Variants in FMN1 observed in about 807,000 individuals in gnomAD.
FMN1 encodes the protein formin 1.
A neutral mutation model predicts 132.4 loss-of-function variants in FMN1; 110 were observed. The ratio of observed to expected loss-of-function variants is 0.83; its 90% CI spans 0.71 to 0.97. The LOEUF is 0.97. Ranked by LOEUF, FMN1 falls within the 50% of genes least tolerant of loss-of-function variation. The pLI is 0.00. For missense variants in FMN1, 1,792 were observed against 1,705.3 expected (o/e 1.05, Z -0.90); for synonymous variants, 722 against 651.7 (o/e 1.11, Z -1.64).
At chr15:33,068,527 A>T (rs1236255845) in intron 5 of FMN1, among the ~76,000 whole-genome samples, 2 of 152,248 alleles carry the variant, frequency 1.3e-5, no homozygotes, top group African/African-American at 2.4e-5. Flanking sequence ...CCAGATCAGC[A>T]GCCACTTACG....
chr15:33,084,193 G>A (rs551058750), intron 5 of FMN1, among the ~76,000 whole-genome samples: 6 of 152,146 alleles, frequency 3.9e-5, no homozygotes, highest in African/African-American at 1.2e-4. Context: ...TACTTTCTTA[G>A]TAAACCTGCT....
At chr15:33,100,880 A>G (rs1308609468) in intron 4 of FMN1, among the ~76,000 whole-genome samples, 1 of 152,216 alleles carries the variant, frequency 6.6e-6, no homozygotes, top group Non-Finnish European at 1.5e-5. Flanking sequence ...AATATTATAT[A>G]ATTATTTAAA....
chr15:32,939,759 C>T (rs776304306), intron 9 of FMN1, among the ~76,000 whole-genome samples: 66 of 152,214 alleles, frequency 4.3e-4, no homozygotes, highest in African/African-American at 1.5e-3. Context: ...TCAAATTCAA[C>T]GAATCACACC....
intron 6 of FMN1, among the ~76,000 whole-genome samples, chr15:33,027,593 TG>T (rs34895622): frequency 0.4 from 60,182 of 152,022 alleles, 12,272 homozygotes; most frequent in Admixed American, 0.48. Context: ...TCAAATCTTC[TG>T]GGGTTTTGTT....
intron 9 of FMN1, among the ~76,000 whole-genome samples, chr15:32,950,467 T>TA (rs555300400): frequency 8.5e-5 from 13 of 152,240 alleles, no homozygotes; most frequent in African/African-American, 3.1e-4. Flanking sequence ...GACTGGATTT[T>TA]AAAAAATGTG....
At position 33,064,996 on chromosome 15, in the gene FMN1, C is replaced by G. The variant is rs1181465002; in HGVS notation, c.2122G>C (p.Asp708His). The G allele has an allele frequency of 3.1e-6, 5 of 1,611,832 alleles. No individual in the cohort carries two copies. In the Admixed American group the frequency reaches 5.0e-5, roughly 16 times the overall value. The change falls in exon 6 of 21, where the codon GAC (aspartate) becomes CAC (histidine). Residue 708 changes from aspartate (D) to histidine (H), a missense_variant. Around this residue, in one of 3 missense-constraint regions of FMN1, gnomAD observed 1,150 missense variants for 1,043.1 expected, o/e 1.10. Transcript: ENST00000616417. ...QAVWPPPKTK[D>H]TEEKVGLKYT... ...TTCAGTCCCACTTTTTCTTCTGTGT[C>G]TTTTGTCTTTGGGGGTGGCCAGACA...
chr15:33,189,575 C>G (rs900525859), intron 2 of FMN1, among the ~76,000 whole-genome samples: 2 of 152,190 alleles, frequency 1.3e-5, no homozygotes, highest in African/African-American at 4.8e-5. Context: ...CAGGAACGTT[C>G]TCTGTGGCTT....
At chr15:33,090,529 T>G (rs920977561) in intron 4 of FMN1, among the ~76,000 whole-genome samples, 3 of 152,052 alleles carry the variant, frequency 2.0e-5, no homozygotes, top group African/African-American at 7.2e-5. Context: ...CTGCAACCAC[T>G]GAGAAAAATG....
At chr15:32,774,434 GA>G in intron 20 of FMN1, 80 bp from the exon 21 acceptor site, 1 of 1,207,132 alleles carries the variant, frequency 8.3e-7, no homozygotes, top group Non-Finnish European at 1.2e-6. Context: ...TTTTGGTCTA[GA>G]ATGCTGAGTT....
intron 6 of FMN1, among the ~76,000 whole-genome samples, chr15:33,045,528 T>G (rs1260609483): frequency 1.3e-5 from 2 of 152,240 alleles, no homozygotes; most frequent in African/African-American, 4.8e-5. Flanking sequence ...AGTTGCCTCT[T>G]GGATTTCAGA....
At chr15:32,932,765 G>C (rs148707688) in intron 9 of FMN1, among the ~76,000 whole-genome samples, 1,668 of 152,104 alleles carry the variant, frequency 0.011, 29 homozygotes, top group African/African-American at 0.039. Flanking sequence ...TTTCTCCTAG[G>C]TTATCCAATT....
rs2140283796 is a variant in FMN1 at position 33,153,799 on chromosome 15, G to A, written c.1116C>T (p.Thr372=). 1 of 1,536,336 alleles carries A rather than the reference G, an allele frequency of 6.5e-7. No homozygotes were observed. The highest frequency in any genetic ancestry group is 2.0e-5 in the Admixed American group (1 of 51,000). ...GAGCCCCAGCCTCAGCTCCCGGGAGGGTGAGCAAGTCGGCTTTGGGTACAA... is the reference window on the plus strand; with the variant it reads ...GAGCCCCAGCCTCAGCTCCCGGGAGAGTGAGCAAGTCGGCTTTGGGTACAA... ...AEFVPKADLL[T]LPGAEAGAHG... Residue 372 remains threonine, a synonymous_variant, in exon 4 of 21, where the codon ACC becomes ACT. Transcript: ENST00000616417.
rs1160915 is a variant in FMN1, at chr15:33,127,358, T to TA, written c.1867+25689_1867+25690insT. Reference sequence around the variant, plus strand: ...GGACCCTAAATCCCTCTAAATAACTTGACTCTGTTCATACACAGACCACCC... The same window carrying TA: ...GGACCCTAAATCCCTCTAAATAACTTAGACTCTGTTCATACACAGACCACCC... On this transcript the variant is annotated intron_variant, in intron 4 of 20. Transcript: ENST00000616417. 9.8e-3 allele frequency among the ~76,000 whole-genome samples: 1,488 copies of TA among 152,230 alleles called. 22 individuals are homozygous for TA. Among genetic ancestry groups the TA allele is most frequent in the African/African-American group, 0.034 (1,418 of 41,548 alleles).
intron 16 of FMN1, among the ~76,000 whole-genome samples, chr15:32,874,760 T>C (rs1024849994): frequency 6.6e-5 from 10 of 152,252 alleles, no homozygotes; most frequent in African/African-American, 2.4e-4. Context: ...AAATTCGCAG[T>C]GAACTCAGTG....
At chr15:33,149,867 C>T (rs1472350847) in intron 4 of FMN1, 1 of 983,206 alleles carries the variant, frequency 1.0e-6, no homozygotes, top group Non-Finnish European at 1.2e-6. Context: ...AATGTATATC[C>T]ACAGAGACAA....
At chr15:33,139,743 G>A (rs4779608) in intron 4 of FMN1, among the ~76,000 whole-genome samples, 66,805 of 151,960 alleles carry the variant, frequency 0.44, 15,910 homozygotes, top group South Asian at 0.55. Flanking sequence ...CAGAAGATCC[G>A]GCATATTCCA....
intron 17 of FMN1, among the ~76,000 whole-genome samples, chr15:32,820,209 T>C (rs964730759): frequency 1.3e-5 from 2 of 152,146 alleles, no homozygotes; most frequent in Non-Finnish European, 2.9e-5. Context: ...AGGGTGTATA[T>C]AAACTTCTCA....
chr15:32,940,356 G>A (rs2061373315), intron 9 of FMN1, among the ~76,000 whole-genome samples: 1 of 151,222 alleles, frequency 6.6e-6, no homozygotes, highest in African/African-American at 2.4e-5. Context: ...CTCACAATAC[G>A]CAAATTCCCA....
chr15:32,956,090 C>G (rs570152932), intron 9 of FMN1, among the ~76,000 whole-genome samples: 57 of 152,240 alleles, frequency 3.7e-4, no homozygotes, highest in African/African-American at 1.4e-3. Flanking sequence ...AAAGAGAGAG[C>G]TGGGGGCAGT....
Sources: allele counts gnomAD v4.1 joint callset (sites outside exome capture counted in the v4.1 genomes callset), GRCh38; gene constraint gnomAD v4.1.1; regional missense constraint gnomAD v4.1.1; transcripts MANE v1.5; gene names NCBI Gene and HGNC (gene_info 2026-07-23, HGNC 2026-07-21).